Variants in CCBE1 observed in about 807,000 individuals in gnomAD.
CCBE1 encodes collagen and calcium binding EGF domains 1, also known as collagen and calcium-binding EGF domain-containing protein 1.
Under a neutral mutation model 50.0 loss-of-function variants are expected in CCBE1, and 37 were observed. The ratio of observed to expected loss-of-function variants is 0.74; its 90% CI spans 0.57 to 0.97. CCBE1 has a LOEUF of 0.97. CCBE1 is among the 50% of genes least tolerant of loss of function. The pLI is 0.00. For missense variants in CCBE1, 538 were observed against 523.8 expected (o/e 1.03, Z -0.26); for synonymous variants, 234 against 203.7 (o/e 1.15, Z -1.27).
chr18:59,688,600 C>T (rs2054688750), intron 2 of CCBE1, among the ~76,000 whole-genome samples: 1 of 152,170 alleles, frequency 6.6e-6, no homozygotes, highest in Non-Finnish European at 1.5e-5. Flanking sequence ...CACAGGAAGG[C>T]TTGTCATGGA....
chr18:59,627,289 G>T (rs1268695647), intron 2 of CCBE1, among the ~76,000 whole-genome samples: 1 of 152,100 alleles, frequency 6.6e-6, no homozygotes. Context: ...CAAAATTTGT[G>T]TAATGTAGTC....
chr18:59,695,701 G>A (rs2054795778), intron 2 of CCBE1, among the ~76,000 whole-genome samples: 1 of 152,102 alleles, frequency 6.6e-6, no homozygotes, highest in Non-Finnish European at 1.5e-5. Flanking sequence ...TTTCAAGTTC[G>A]TTTCTAGGGA....
intron 2 of CCBE1, among the ~76,000 whole-genome samples, chr18:59,508,412 AT>A: frequency 6.6e-6 from 1 of 151,964 alleles, no homozygotes; most frequent in East Asian, 2.0e-4. Context: ...CCCAGCCAAA[AT>A]GGTGAAACCC....
At chr18:59,597,409 TG>T (rs2053367748) in intron 2 of CCBE1, among the ~76,000 whole-genome samples, 1 of 152,246 alleles carries the variant, frequency 6.6e-6, no homozygotes. Context: ...GAGAATTTAC[TG>T]AGTGAAACAC....
intron 2 of CCBE1, among the ~76,000 whole-genome samples, chr18:59,591,694 A>G (rs1302296932): frequency 6.6e-6 from 1 of 152,184 alleles, no homozygotes; most frequent in African/African-American, 2.4e-5. Context: ...ACACTCATAC[A>G]TTGCTGGTGG....
At chr18:59,567,197 T>C (rs980230873) in intron 2 of CCBE1, among the ~76,000 whole-genome samples, 2 of 151,214 alleles carry the variant, frequency 1.3e-5, no homozygotes, top group Admixed American at 1.3e-4. Flanking sequence ...CGGCTCACTG[T>C]AACCTCTGCT....
At position 59,539,963 on chromosome 18, in the gene CCBE1, T is replaced by C. The variant is rs142472958; in HGVS notation, c.213-59725A>G. 7.0e-3 allele frequency among the ~76,000 whole-genome samples: 1,067 copies of C among 152,360 alleles called. 6 individuals are homozygous for C. The highest frequency in any genetic ancestry group is 0.011 in the Non-Finnish European group (733 of 68,028). On this transcript the variant is annotated intron_variant, in intron 2 of 10. Coordinates refer to ENST00000439986, the MANE Select transcript of CCBE1 (RefSeq NM_133459.4). ...TATGTTCTTGCCCCATGGAGAATTC[T>C]ATTTGGTAAGTTCTCCCTACCCATT...
At chr18:59,622,870 G>A (rs1025727854) in intron 2 of CCBE1, among the ~76,000 whole-genome samples, 2 of 151,080 alleles carry the variant, frequency 1.3e-5, no homozygotes, top group Non-Finnish European at 2.9e-5. Flanking sequence ...AGGGAGAGAG[G>A]GAGGGATAGG....
intron 2 of CCBE1, among the ~76,000 whole-genome samples, chr18:59,502,200 C>T (rs1444315192): frequency 6.6e-6 from 1 of 152,194 alleles, no homozygotes; most frequent in African/African-American, 2.4e-5. Context: ...CTGAGCTGCC[C>T]AAGGGTAAGG....
At chr18:59,549,418 A>AT (rs1915832748) in intron 2 of CCBE1, among the ~76,000 whole-genome samples, 1 of 152,222 alleles carries the variant, frequency 6.6e-6, no homozygotes, top group Non-Finnish European at 1.5e-5. Flanking sequence ...ACCAAGGGCT[A>AT]TAAAAACAGG....
chr18:59,531,634 G>A (rs997619120), intron 2 of CCBE1, among the ~76,000 whole-genome samples: 1 of 152,114 alleles, frequency 6.6e-6, no homozygotes, highest in Non-Finnish European at 1.5e-5. Context: ...TTTCGTCCCA[G>A]ATAATTGAGA....
At chr18:59,488,935 A>G (rs1456671571) in intron 2 of CCBE1, among the ~76,000 whole-genome samples, 1 of 152,170 alleles carries the variant, frequency 6.6e-6, no homozygotes, top group Non-Finnish European at 1.5e-5. Context: ...TCAGGACACA[A>G]GGAGCCCCTG....
At chr18:59,558,077 C>T (rs1003607153) in intron 2 of CCBE1, among the ~76,000 whole-genome samples, 3 of 152,216 alleles carry the variant, frequency 2.0e-5, no homozygotes, top group African/African-American at 7.2e-5. Flanking sequence ...TCACGTGTAT[C>T]TTATGTCTCC....
intron 2 of CCBE1, among the ~76,000 whole-genome samples, chr18:59,693,333 T>C (rs955333113): frequency 2.6e-5 from 4 of 152,174 alleles, no homozygotes; most frequent in African/African-American, 7.2e-5. Flanking sequence ...CTTTGTTTCA[T>C]TTGTGACCAG....
At chr18:59,464,524 A>G (rs909138709) in intron 5 of CCBE1, among the ~76,000 whole-genome samples, 2 of 152,222 alleles carry the variant, frequency 1.3e-5, no homozygotes, top group Non-Finnish European at 2.9e-5. Context: ...CCTCTGCCCT[A>G]TGAACACCCC....
At chr18:59,633,060 A>G (rs1041152053) in intron 2 of CCBE1, among the ~76,000 whole-genome samples, 2 of 152,150 alleles carry the variant, frequency 1.3e-5, no homozygotes, top group Non-Finnish European at 2.9e-5. Context: ...AGAGGGGACA[A>G]TCCAAACAGC....
At chr18:59,678,703 T>C (rs2054543656) in intron 2 of CCBE1, among the ~76,000 whole-genome samples, 1 of 152,096 alleles carries the variant, frequency 6.6e-6, no homozygotes, top group Admixed American at 6.5e-5. Context: ...CAGCTAACTT[T>C]TGAACTTTTA....
At chr18:59,499,756 T>C (rs957907133) in intron 2 of CCBE1, among the ~76,000 whole-genome samples, 1 of 152,114 alleles carries the variant, frequency 6.6e-6, no homozygotes, top group African/African-American at 2.4e-5. Context: ...AGCACTGTCT[T>C]CTCTAGGCAC....
At chr18:59,667,138 A>G (rs959622138) in intron 2 of CCBE1, among the ~76,000 whole-genome samples, 34 of 151,894 alleles carry the variant, frequency 2.2e-4, no homozygotes, top group Admixed American at 2.0e-3. Flanking sequence ...GCCTGGTGGC[A>G]TACGTCTATA....
Sources: gnomAD v4.1 joint callset for allele counts (sites outside exome capture counted in the v4.1 genomes callset) on GRCh38, gnomAD v4.1.1 for gene constraint, MANE v1.5 for transcripts, NCBI Gene and HGNC (gene_info 2026-07-23, HGNC 2026-07-21) for gene names.